KCNIP4: variants seen among roughly 807,000 people sequenced by gnomAD.
KCNIP4 encodes the protein Kv channel-interacting protein 4.
In KCNIP4, 12 loss-of-function variants were observed where a neutral mutation model predicts 34.0. The ratio of observed to expected loss-of-function variants is 0.35; its 90% CI spans 0.23 to 0.57. The LOEUF is 0.57. KCNIP4 is among the 20% of genes least tolerant of loss of function. The probability of loss-of-function intolerance (pLI) is 0.83; values close to 1 mark genes in which losing one functional copy is unlikely to be tolerated. For synonymous variants in KCNIP4, 124 were observed against 102.2 expected, an observed-to-expected ratio of 1.21 and a Z score of -1.29; for missense variants, 238 against 311.7, an observed-to-expected ratio of 0.76 and a Z score of 1.78.
intron 1 of KCNIP4, among the ~76,000 whole-genome samples, chr4:21,245,244 T>C (rs1240075843): frequency 6.6e-6 from 1 of 152,088 alleles, no homozygotes; most frequent in Non-Finnish European, 1.5e-5. Flanking sequence ...CACCAGGGAG[T>C]GAGACATAAA....
chr4:21,184,380 G>C (rs1755059455), intron 1 of KCNIP4, among the ~76,000 whole-genome samples: 1 of 152,140 alleles, frequency 6.6e-6, no homozygotes, highest in Non-Finnish European at 1.5e-5. Flanking sequence ...ATCTAGCATA[G>C]TGTTTTGCAA....
chr4:21,705,816 C>A (rs1348220757), intron 1 of KCNIP4, among the ~76,000 whole-genome samples: 1 of 152,120 alleles, frequency 6.6e-6, no homozygotes, highest in Non-Finnish European at 1.5e-5. Flanking sequence ...GCTAATAATC[C>A]ACAAATCAAT....
In KCNIP4 at chr4:21,370,322, A is replaced by G. The variant is rs927822893; in HGVS notation, c.62-487613T>C. ...TGAGGTGATTCAGTGTTCATTCAAA[A>G]ATTGTTTATTGAGGGTCCATTACAT... On this transcript the variant is annotated intron_variant, in intron 1 of 8. Coordinates refer to ENST00000382152, the MANE Select transcript of KCNIP4 (RefSeq NM_025221.6). 4.1e-5 allele frequency among the ~76,000 whole-genome samples: 6 copies of G among 146,944 alleles called. 1 individual carries two copies. The highest frequency in any genetic ancestry group is 5.9e-5 in the Non-Finnish European group (4 of 68,030).
chr4:20,975,858 C>A (rs1162208350), intron 1 of KCNIP4, among the ~76,000 whole-genome samples: 10 of 152,096 alleles, frequency 6.6e-5, no homozygotes, highest in African/African-American at 2.4e-4. Flanking sequence ...AAAGGGCAGA[C>A]ATTAAATAAA....
intron 1 of KCNIP4, among the ~76,000 whole-genome samples, chr4:21,657,480 G>A (rs190375473): frequency 2.2e-3 from 339 of 152,332 alleles, no homozygotes; most frequent in Non-Finnish European, 3.8e-3. Flanking sequence ...GAGTTGATGT[G>A]AGAATTAGAG....
intron 1 of KCNIP4, among the ~76,000 whole-genome samples, chr4:21,222,931 T>C (rs959924231): frequency 1.4e-4 from 21 of 152,150 alleles, no homozygotes; most frequent in African/African-American, 4.6e-4. Flanking sequence ...TGTGGTGCAG[T>C]GGTTTAAAGC....
chr4:20,991,388 A>T (rs757859616), intron 1 of KCNIP4, among the ~76,000 whole-genome samples: 3 of 152,078 alleles, frequency 2.0e-5, no homozygotes, highest in Non-Finnish European at 2.9e-5. Context: ...CTCGGGATAG[A>T]GGTGAGAGGA....
At chr4:21,324,517 A>G (rs536975915) in intron 1 of KCNIP4, among the ~76,000 whole-genome samples, 253 of 152,036 alleles carry the variant, frequency 1.7e-3, no homozygotes, top group Non-Finnish European at 3.0e-3. Context: ...CCTTTCATCA[A>G]TGTATGTTCT....
chr4:20,758,090 A>G (rs1041464609), intron 4 of KCNIP4, among the ~76,000 whole-genome samples: 1 of 152,174 alleles, frequency 6.6e-6, no homozygotes, highest in Non-Finnish European at 1.5e-5. Flanking sequence ...CACCTCATGC[A>G]TGGCTAGGCA....
At chr4:21,865,928 C>CCAT (rs1725387141) in intron 1 of KCNIP4, among the ~76,000 whole-genome samples, 4 of 149,080 alleles carry the variant, frequency 2.7e-5, no homozygotes, top group African/African-American at 2.5e-5. Context: ...TATGGTGTCT[C>CCAT]ATATATATAT....
At chr4:21,203,866 A>G (rs1756662829) in intron 1 of KCNIP4, among the ~76,000 whole-genome samples, 1 of 152,158 alleles carries the variant, frequency 6.6e-6, no homozygotes, top group African/African-American at 2.4e-5. Flanking sequence ...AATACATCTC[A>G]GTTTTCTGTT....
At chr4:20,856,887 C>A (rs933218076) in intron 2 of KCNIP4, among the ~76,000 whole-genome samples, 1 of 152,080 alleles carries the variant, frequency 6.6e-6, no homozygotes, top group Non-Finnish European at 1.5e-5. Flanking sequence ...ACCAAAACAG[C>A]GGATTAAATT....
rs558232618 is a variant in KCNIP4, at chr4:21,016,352, G to T, written c.62-133643C>A. Among the ~76,000 whole-genome samples the T allele has an allele frequency of 1.9e-3, 279 of 146,350 alleles. 1 individual carries two copies. The highest frequency in any genetic ancestry group is 6.7e-3 in the African/African-American group (265 of 39,364). ...CTAGCTCTGTGGCCTATGCTGGAAT[G>T]CAGTGGCCCAATCTCAGCACACTGC... On this transcript the variant is annotated intron_variant, in intron 1 of 8. Transcript: ENST00000382152.
At chr4:21,188,735 C>A (rs138773022) in intron 1 of KCNIP4, among the ~76,000 whole-genome samples, 3 of 152,040 alleles carry the variant, frequency 2.0e-5, no homozygotes, top group Non-Finnish European at 2.9e-5. Context: ...AGTAGCATCC[C>A]GAAGGAAACT....
chr4:21,642,406 GT>G (rs1355242269), intron 1 of KCNIP4, among the ~76,000 whole-genome samples: 1 of 152,096 alleles, frequency 6.6e-6, no homozygotes, highest in Non-Finnish European at 1.5e-5. Context: ...TGAAGACTCG[GT>G]TACAGTGTCA....
At chr4:21,897,436 C>T (rs1229730567) in intron 1 of KCNIP4, among the ~76,000 whole-genome samples, 1 of 152,034 alleles carries the variant, frequency 6.6e-6, no homozygotes, top group Non-Finnish European at 1.5e-5. Flanking sequence ...TGTAAAAATC[C>T]TCGAAGAGTA....
At chr4:20,784,941 C>T (rs1291186420) in intron 3 of KCNIP4, among the ~76,000 whole-genome samples, 1 of 152,166 alleles carries the variant, frequency 6.6e-6, no homozygotes, top group African/African-American at 2.4e-5. Flanking sequence ...AAGGGAAGGG[C>T]ATTCCCCCAT....
Position 21,432,091 on chromosome 4 carries a change from CATATATATATATATATATATATAT to C in KCNIP4, c.61+516456_61+516479del, listed in dbSNP as rs71655634. ...TGTATTCAATGTGTGAAAATGGAAG[CATATATATATATATATATATATAT>C]ATATATATATATATATATATATACA... On this transcript the variant is annotated intron_variant, in intron 1 of 8. Transcript: ENST00000382152. Among the ~76,000 whole-genome samples the C allele has an allele frequency of 9.9e-4, 36 of 36,420 alleles. 1 individual carries two copies. Among genetic ancestry groups the C allele is most frequent in the South Asian group, 6.1e-3 (3 of 490 alleles). The allele number at this position is 36,420 out of a possible 152,430, so 23.9% of individuals were successfully genotyped here.
At chr4:21,108,436 C>T (rs1316427513) in intron 1 of KCNIP4, among the ~76,000 whole-genome samples, 3 of 151,708 alleles carry the variant, frequency 2.0e-5, no homozygotes, top group Admixed American at 1.3e-4. Flanking sequence ...CGAGCCTTGG[C>T]TTTCACCTCC....
Sources: gnomAD v4.1 joint callset for allele counts (sites outside exome capture counted in the v4.1 genomes callset) on GRCh38, gnomAD v4.1.1 for gene constraint, MANE v1.5 for transcripts, NCBI Gene and HGNC (gene_info 2026-07-23, HGNC 2026-07-21) for gene names.